Variants in LRRK2 observed in about 807,000 individuals in gnomAD.
The protein encoded by LRRK2 is leucine rich repeat kinase 2.
Under a neutral mutation model 302.6 loss-of-function variants are expected in LRRK2, and 203 were observed. The ratio of observed to expected loss-of-function variants is 0.67; its 90% CI spans 0.60 to 0.75. The LOEUF is 0.75. Among genes scored for constraint, LRRK2 ranks in the 30% least tolerant of loss-of-function variants. LRRK2 has a pLI of 0.00. For synonymous variants in LRRK2, 1,066 were observed against 1,031.9 expected, an observed-to-expected ratio of 1.03 and a Z score of -0.63; for missense variants, 2,830 against 2,951.0, an observed-to-expected ratio of 0.96 and a Z score of 0.95.
Position 40,225,540 on chromosome 12 carries a change from C to A in LRRK2, c.152-15C>A, listed in dbSNP as rs1940828162. ...TTGTGACTTTGCTTCTTTTCCCCAC[C>A]CACTTGTTTTCCAGCCTCCAAGTTA... On this transcript the variant is annotated splice_polypyrimidine_tract_variant and intron_variant, in intron 1 of 50. Transcript: ENST00000298910. 6 of 1,608,426 alleles carry A rather than the reference C, an allele frequency of 3.7e-6. No homozygotes were observed. Among genetic ancestry groups the A allele is most frequent in the Non-Finnish European group, 5.1e-6 (6 of 1,174,856 alleles).
At chr12:40,318,108 A>G (rs905368076) in intron 33 of LRRK2, among the ~76,000 whole-genome samples, 1 of 152,104 alleles carries the variant, frequency 6.6e-6, no homozygotes, top group Non-Finnish European at 1.5e-5. Flanking sequence ...GTGGCTGGTT[A>G]CCAAGAGAAA....
chr12:40,310,379 G>A lies in LRRK2; in HGVS notation c.4318-52G>A, dbSNP rs1350762497. 23 of 1,550,084 alleles carry A rather than the reference G, an allele frequency of 1.5e-5. No individual in the cohort carries two copies. The Middle Eastern group carries it at 6.4e-4, about 43-fold the overall frequency. ...AAAGCAAATATCAACAGGAATGTGA[G>A]CAGGCCCAGTTTGAAAGCAAACACA... On this transcript the variant is annotated intron_variant, in intron 30 of 50. Coordinates refer to ENST00000298910, the MANE Select transcript of LRRK2 (RefSeq NM_198578.4).
chr12:40,280,189 A>T (rs555581975), intron 18 of LRRK2, among the ~76,000 whole-genome samples: 1 of 152,184 alleles, frequency 6.6e-6, no homozygotes, highest in Non-Finnish European at 1.5e-5. Context: ...GGTGGCTCAC[A>T]TCTGTAATCC....
chr12:40,340,469 C>A lies in LRRK2; in HGVS notation c.6109+15C>A. On this transcript the variant is annotated intron_variant, in intron 41 of 50. Coordinates refer to ENST00000298910, the MANE Select transcript of LRRK2 (RefSeq NM_198578.4). ...GGGCACACCAGGTAGGTGATCAGGT[C>A]TGTCTCATAATTCTATCTTCAGGAT... 6.2e-7 allele frequency: 1 copy of A among 1,613,466 alleles called. No individual in the cohort carries two copies. Among genetic ancestry groups the A allele is most frequent in the South Asian group, 1.1e-5 (1 of 91,052 alleles).
At chr12:40,342,672 G>T (rs1946081874) in intron 41 of LRRK2, among the ~76,000 whole-genome samples, 1 of 151,966 alleles carries the variant, frequency 6.6e-6, no homozygotes, top group Non-Finnish European at 1.5e-5. Flanking sequence ...AGTTCTGTTT[G>T]GGAAGGAAAC....
At chr12:40,251,002 GTT>G (rs575085073) in intron 8 of LRRK2, among the ~76,000 whole-genome samples, 5 of 137,568 alleles carry the variant, frequency 3.6e-5, no homozygotes, top group South Asian at 2.3e-4. Context: ...CGTCTATTAG[GTT>G]TTTTTTTTTT....
intron 38 of LRRK2, among the ~76,000 whole-genome samples, chr12:40,326,214 C>G (rs1945543459): frequency 6.6e-6 from 1 of 152,082 alleles, no homozygotes; most frequent in Non-Finnish European, 1.5e-5. Context: ...CCTGTAATCT[C>G]AACACTTTGG....
intron 18 of LRRK2, among the ~76,000 whole-genome samples, chr12:40,279,376 G>A (rs917770379): frequency 5.9e-5 from 9 of 151,594 alleles, no homozygotes; most frequent in African/African-American, 9.7e-5. Flanking sequence ...CATGCATTAC[G>A]TTTATGAATT....
intron 5 of LRRK2, among the ~76,000 whole-genome samples, chr12:40,239,247 C>T (rs1264537776): frequency 2.0e-5 from 3 of 152,122 alleles, no homozygotes; most frequent in Admixed American, 6.6e-5. Flanking sequence ...GTCAGAATAG[C>T]ATGGGCCTGG....
chr12:40,237,573 T>A (rs928558421), intron 4 of LRRK2, among the ~76,000 whole-genome samples: 4 of 152,058 alleles, frequency 2.6e-5, no homozygotes, highest in Non-Finnish European at 4.4e-5. Flanking sequence ...TTCTCTTGGG[T>A]AGCTAGTGGA....
intron 34 of LRRK2, among the ~76,000 whole-genome samples, chr12:40,320,465 GT>G (rs1945369095): frequency 6.6e-6 from 1 of 151,374 alleles, no homozygotes; most frequent in Non-Finnish European, 1.5e-5. Flanking sequence ...GTGTGTGTCT[GT>G]GTTTGTGTAT....
rs12423774 is a variant in LRRK2, at chr12:40,353,558, C to A, written c.6577-741C>A. On this transcript the variant is annotated intron_variant, in intron 44 of 50. Transcript: ENST00000298910. ...CAGACGATGGGCGGCCAGGCAGAGA[C>A]GCTCCTCACTTCCCAGACGGGGTGG... 4.3e-4 allele frequency among the ~76,000 whole-genome samples: 64 copies of A among 149,646 alleles called. 1 individual carries two copies. In the South Asian group the frequency reaches 0.013, roughly 31 times the overall value.
chr12:40,353,901 G>A (rs1161939336), intron 44 of LRRK2, among the ~76,000 whole-genome samples: 1 of 152,202 alleles, frequency 6.6e-6, no homozygotes, highest in East Asian at 1.9e-4. Flanking sequence ...GGAGAATCAG[G>A]CAGGGAGGTT....
intron 5 of LRRK2, among the ~76,000 whole-genome samples, 188 bp from the exon 6 acceptor site, chr12:40,240,281 AAACAAAATTATTTG>A (rs1020737950): frequency 1.2e-4 from 19 of 152,192 alleles, no homozygotes; most frequent in African/African-American, 4.1e-4. Flanking sequence ...ACATAGGCCG[AAACAAAATTATTTG>A]AATCTCCGTA....
At chr12:40,333,659 G>A (rs1164416367) in intron 39 of LRRK2, among the ~76,000 whole-genome samples, 1 of 150,220 alleles carries the variant, frequency 6.7e-6, no homozygotes, top group East Asian at 2.1e-4. Flanking sequence ...CTCTGTCCAA[G>A]CCAAAATGAT....
intron 30 of LRRK2, among the ~76,000 whole-genome samples, chr12:40,309,732 C>T (rs1234210721): frequency 6.6e-6 from 1 of 152,054 alleles, no homozygotes; most frequent in Non-Finnish European, 1.5e-5. Context: ...GTCTTGTTGT[C>T]AGCTATTCCT....
At position 40,289,970 on chromosome 12, in the gene LRRK2, G is replaced by T. The variant is rs181603597; in HGVS notation, c.2689+2431G>T. 5.9e-5 allele frequency among the ~76,000 whole-genome samples: 9 copies of T among 151,506 alleles called. No homozygotes were observed. In the East Asian group the frequency reaches 1.5e-3, roughly 26 times the overall value. On this transcript the variant is annotated intron_variant, in intron 20 of 50. Transcript: ENST00000298910. Reference sequence around the variant, plus strand: ...TGGCTAGGACCTCCAGTACTATGTTGAATAGAATTGGTCAGACTGGGCATC... The same window carrying T: ...TGGCTAGGACCTCCAGTACTATGTTTAATAGAATTGGTCAGACTGGGCATC...
At chr12:40,228,814 C>T (rs774818125) in intron 2 of LRRK2, among the ~76,000 whole-genome samples, 2 of 152,106 alleles carry the variant, frequency 1.3e-5, no homozygotes, top group East Asian at 3.9e-4. Flanking sequence ...TTCTTTTGCA[C>T]AGCCAATATT....
chr12:40,341,966 C>T (rs1946058097), intron 41 of LRRK2, among the ~76,000 whole-genome samples: 1 of 152,152 alleles, frequency 6.6e-6, no homozygotes, highest in Non-Finnish European at 1.5e-5. Context: ...TATATTTCCA[C>T]CTGGAAAAAG....
Sources: allele counts gnomAD v4.1 joint callset (sites outside exome capture counted in the v4.1 genomes callset), GRCh38; gene constraint gnomAD v4.1.1; transcripts MANE v1.5; gene names NCBI Gene and HGNC (gene_info 2026-07-23, HGNC 2026-07-21).